The following TOX variants were observed in gnomAD, a reference collection of about 807,000 sequenced individuals.
The protein encoded by TOX is thymocyte selection associated high mobility group box.
A neutral mutation model predicts 53.7 loss-of-function variants in TOX; 11 were observed. The observed-to-expected ratio is 0.20, with a 90% CI of 0.13 to 0.34. The LOEUF is 0.34. Ranked by LOEUF, TOX falls within the 10% of genes least tolerant of loss-of-function variation. The probability of loss-of-function intolerance (pLI) is 1.00; values close to 1 mark genes in which losing one functional copy is unlikely to be tolerated. For synonymous variants in TOX, 225 were observed against 245.3 expected (o/e 0.92, Z 0.77); for missense variants, 570 against 664.6 (o/e 0.86, Z 1.56).
intron 1 of TOX, among the ~76,000 whole-genome samples, chr8:59,060,863 T>C (rs1036249314): frequency 7.2e-5 from 11 of 152,286 alleles, no homozygotes; most frequent in African/African-American, 2.6e-4. Flanking sequence ...TGTTGTTTGG[T>C]GCCCTTTATA....
chr8:59,118,744 C>T lies in TOX; in HGVS notation c.102+142G>A. 1 of 455,682 alleles carries T rather than the reference C, an allele frequency of 2.2e-6. No homozygotes were observed. Among genetic ancestry groups the T allele is most frequent in the South Asian group, 5.8e-5 (1 of 17,124 alleles). The allele number at this position is 455,682 out of a possible 1,614,324, so 28.2% of individuals were successfully genotyped here. ...CTCCACAATATTTACTACCCAAGCG[C>T]ACGCAGGCTGCAGCGGGCTGCGAGC... is the stretch of plus-strand genomic sequence containing the variant. On this transcript the variant is annotated intron_variant, in intron 1 of 8. Transcript: ENST00000361421. The surrounding 1 kb of genome is among the most constrained non-coding windows in gnomAD (Gnocchi z 4.1).
intron 1 of TOX, among the ~76,000 whole-genome samples, chr8:59,047,585 C>T (rs1428913338): frequency 1.3e-5 from 2 of 150,904 alleles, no homozygotes; most frequent in Admixed American, 6.6e-5. Context: ...TTCCTAGAGA[C>T]GGGGTTCCAC....
intron 1 of TOX, among the ~76,000 whole-genome samples, chr8:59,057,899 T>G (rs938082259): frequency 3.3e-5 from 5 of 152,102 alleles, no homozygotes; most frequent in Non-Finnish European, 5.9e-5. Flanking sequence ...CAGGCTGGAG[T>G]GCAGTGGCAC....
intron 1 of TOX, among the ~76,000 whole-genome samples, chr8:59,099,443 T>A (rs553351007): frequency 1.4e-4 from 22 of 152,174 alleles, no homozygotes; most frequent in Non-Finnish European, 2.2e-4. Context: ...AGACACTAAA[T>A]GGCTTAATAC....
intron 3 of TOX, among the ~76,000 whole-genome samples, chr8:58,924,978 C>T (rs552353680): frequency 1.3e-5 from 2 of 152,316 alleles, no homozygotes; most frequent in South Asian, 4.1e-4. Flanking sequence ...GACTCCTCCT[C>T]TTCCTCACTG....
At chr8:59,096,085 A>G (rs1804707302) in intron 1 of TOX, among the ~76,000 whole-genome samples, 1 of 152,230 alleles carries the variant, frequency 6.6e-6, no homozygotes, top group Admixed American at 6.5e-5. Flanking sequence ...CCTGAAAACT[A>G]CAAGAGGTAA....
intron 6 of TOX, among the ~76,000 whole-genome samples, chr8:58,825,251 T>C (rs1810346762): frequency 6.6e-6 from 1 of 152,180 alleles, no homozygotes; most frequent in African/African-American, 2.4e-5. Context: ...ATACACACAA[T>C]AGATGGTTGT....
At chr8:58,882,762 C>T (rs1349057139) in intron 3 of TOX, among the ~76,000 whole-genome samples, 1 of 152,192 alleles carries the variant, frequency 6.6e-6, no homozygotes, top group South Asian at 2.1e-4. Flanking sequence ...ACAGCACAGG[C>T]TTGACAAATA....
intron 3 of TOX, among the ~76,000 whole-genome samples, chr8:58,856,577 C>T (rs1810919671): frequency 6.6e-6 from 1 of 152,114 alleles, no homozygotes; most frequent in South Asian, 2.1e-4. Context: ...AGCTACCCTC[C>T]TACACTCATT....
chr8:58,829,084 A>G (rs904037810), intron 5 of TOX, among the ~76,000 whole-genome samples: 1 of 152,148 alleles, frequency 6.6e-6, no homozygotes, highest in Non-Finnish European at 1.5e-5. Flanking sequence ...GTTGTGGCAG[A>G]TAAGACAGTA....
chr8:59,096,592 C>CAAAGGT (rs1804715415), intron 1 of TOX, among the ~76,000 whole-genome samples: 1 of 152,122 alleles, frequency 6.6e-6, no homozygotes, highest in Non-Finnish European at 1.5e-5. Flanking sequence ...AAATCCACAA[C>CAAAGGT]AAAGGTAATT....
chr8:58,962,953 A>G (rs1343022292), intron 1 of TOX, among the ~76,000 whole-genome samples: 2 of 152,196 alleles, frequency 1.3e-5, no homozygotes, highest in South Asian at 2.1e-4. Context: ...AGCGAGAATA[A>G]CATGTGAATT....
At chr8:59,031,488 G>A (rs1814354613) in intron 1 of TOX, among the ~76,000 whole-genome samples, 1 of 152,132 alleles carries the variant, frequency 6.6e-6, no homozygotes, top group South Asian at 2.1e-4. Flanking sequence ...ATAAATTAGG[G>A]AACAAAAAGA....
chr8:59,079,507 A>G (rs1804358924), intron 1 of TOX, among the ~76,000 whole-genome samples: 1 of 152,190 alleles, frequency 6.6e-6, no homozygotes, highest in Non-Finnish European at 1.5e-5. Flanking sequence ...CCTCAGGTAC[A>G]GCTCAGGCCA....
intron 3 of TOX, among the ~76,000 whole-genome samples, chr8:58,881,424 A>C (rs1365358370): frequency 6.6e-6 from 1 of 152,074 alleles, no homozygotes; most frequent in Non-Finnish European, 1.5e-5. Context: ...CATGTGAACC[A>C]TTAAGACGTA....
rs1803874519 is a variant in TOX, at chr8:59,055,516, A to G, written c.102+63370T>C. 2.6e-5 allele frequency among the ~76,000 whole-genome samples: 4 copies of G among 152,254 alleles called. 1 individual carries two copies. In the South Asian group the frequency reaches 8.3e-4, roughly 32 times the overall value. ...GATTCCAGTGCAGCCACCATGGCTGACCATATATTTGATCTTAAATGGACT... is the reference window on the plus strand; with the variant it reads ...GATTCCAGTGCAGCCACCATGGCTGGCCATATATTTGATCTTAAATGGACT... On this transcript the variant is annotated intron_variant, in intron 1 of 8. Transcript: ENST00000361421.
At chr8:58,866,703 T>C (rs1486716335) in intron 3 of TOX, among the ~76,000 whole-genome samples, 1 of 152,220 alleles carries the variant, frequency 6.6e-6, no homozygotes, top group Non-Finnish European at 1.5e-5. Context: ...CCTAATTTCC[T>C]GGTGATAGAA....
chr8:58,994,132 G>C (rs1163378993), intron 1 of TOX, among the ~76,000 whole-genome samples: 1 of 152,138 alleles, frequency 6.6e-6, no homozygotes, highest in Non-Finnish European at 1.5e-5. Context: ...CAGTCGTTCC[G>C]TGAAGACTCA....
intron 1 of TOX, among the ~76,000 whole-genome samples, chr8:59,004,609 G>A (rs1489538261): frequency 6.6e-6 from 1 of 152,152 alleles, no homozygotes; most frequent in Non-Finnish European, 1.5e-5. Flanking sequence ...CCTTTGTGTA[G>A]GATTCCAGCT....
Sources: gnomAD v4.1 joint callset for allele counts (sites outside exome capture counted in the v4.1 genomes callset) on GRCh38, gnomAD v4.1.1 for gene constraint, Gnocchi (gnomAD v3.1) non-coding constraint, MANE v1.5 for transcripts, NCBI Gene and HGNC (gene_info 2026-07-23, HGNC 2026-07-21) for gene names.